The following MGAT4C variants were observed in gnomAD, a reference collection of about 807,000 sequenced individuals.
The protein encoded by MGAT4C is MGAT4 family member C.
A neutral mutation model predicts 40.1 loss-of-function variants in MGAT4C; 19 were observed. The ratio of observed to expected loss-of-function variants is 0.47; its 90% CI spans 0.33 to 0.70. The LOEUF is 0.70. MGAT4C is among the 30% of genes least tolerant of loss of function. MGAT4C has a pLI of 0.02. For missense variants in MGAT4C, 491 were observed against 563.2 expected (o/e 0.87, Z 1.30); for synonymous variants, 181 against 187.1 (o/e 0.97, Z 0.27).
chr12:86,607,870 G>A lies in MGAT4C; in HGVS notation c.-229+119339C>T, dbSNP rs117044918. 2.6e-4 allele frequency among the ~76,000 whole-genome samples: 40 copies of A among 152,108 alleles called. No homozygotes were observed. In the East Asian group the frequency reaches 6.2e-3, roughly 24 times the overall value. ...GTGCAGGGTTGGGGGAGAAACACAT[G>A]TCACCTGTTGGATATCTTTATGCCA... is the stretch of plus-strand genomic sequence containing the variant. On this transcript the variant is annotated intron_variant, in intron 2 of 7. Coordinates refer to the MGAT4C transcript ENST00000548651.
chr12:86,821,093 C>A (rs1419360874), intron 1 of MGAT4C, among the ~76,000 whole-genome samples: 2 of 150,830 alleles, frequency 1.3e-5, no homozygotes, highest in Admixed American at 6.6e-5. Context: ...GTAAACAAGG[C>A]ATTCAAGAAA....
At chr12:86,769,620 A>G (rs1242422147) in intron 1 of MGAT4C, among the ~76,000 whole-genome samples, 7 of 152,078 alleles carry the variant, frequency 4.6e-5, no homozygotes, top group Middle Eastern at 6.8e-3. Context: ...CAACCCAAAT[A>G]TCCAACAATG....
chr12:85,991,292 G>A (rs1257810794), intron 2 of MGAT4C, among the ~76,000 whole-genome samples: 1 of 152,110 alleles, frequency 6.6e-6, no homozygotes, highest in African/African-American at 2.4e-5. Context: ...CTGAACACGG[G>A]GCTTTTATGG....
chr12:86,473,327 A>G (rs1957783057), intron 2 of MGAT4C, among the ~76,000 whole-genome samples: 1 of 152,170 alleles, frequency 6.6e-6, no homozygotes, highest in Admixed American at 6.6e-5. Context: ...TGACATCCAG[A>G]CAGCAAGTAA....
chr12:86,112,418 T>C (rs965507306), intron 1 of MGAT4C, among the ~76,000 whole-genome samples: 2 of 151,708 alleles, frequency 1.3e-5, no homozygotes, highest in African/African-American at 4.8e-5. Context: ...GCCATGAGTA[T>C]CTTGGGAAAT....
At chr12:86,425,860 T>G (rs546445262) in intron 3 of MGAT4C, among the ~76,000 whole-genome samples, 1 of 152,322 alleles carries the variant, frequency 6.6e-6, no homozygotes, top group African/African-American at 2.4e-5. Flanking sequence ...AGACTCATTC[T>G]GATTATTTCT....
intron 2 of MGAT4C, among the ~76,000 whole-genome samples, chr12:86,645,778 G>C (rs1295054927): frequency 6.6e-6 from 1 of 151,608 alleles, no homozygotes; most frequent in Non-Finnish European, 1.5e-5. Context: ...TTCAAAAGTA[G>C]AATGTAACCA....
At chr12:86,112,481 G>A (rs1352303613) in intron 1 of MGAT4C, among the ~76,000 whole-genome samples, 2 of 151,684 alleles carry the variant, frequency 1.3e-5, no homozygotes, top group Non-Finnish European at 3.0e-5. Context: ...TTTCAGGGAA[G>A]CTTGATACTG....
chr12:86,764,643 G>A (rs1203925777), intron 1 of MGAT4C, among the ~76,000 whole-genome samples: 10 of 150,628 alleles, frequency 6.6e-5, no homozygotes, highest in Non-Finnish European at 1.2e-4. Flanking sequence ...CACCTCACAC[G>A]GCCGGGTACT....
chr12:86,275,544 G>A (rs187366250), intron 4 of MGAT4C, among the ~76,000 whole-genome samples: 3 of 152,252 alleles, frequency 2.0e-5, no homozygotes, highest in South Asian at 4.1e-4. Context: ...TTGCAAATAT[G>A]ATTAAGTCAA....
At chr12:86,049,649 T>C in intron 2 of MGAT4C, 25 bp downstream of exon 2, 1 of 969,896 alleles carries the variant, frequency 1.0e-6, no homozygotes, top group South Asian at 4.8e-5. Flanking sequence ...CTTAGAATAC[T>C]ACCATGAATG....
At chr12:86,109,238 A>C (rs1242844426) in intron 1 of MGAT4C, among the ~76,000 whole-genome samples, 1 of 152,138 alleles carries the variant, frequency 6.6e-6, no homozygotes, top group Non-Finnish European at 1.5e-5. Context: ...AATTTGTAAT[A>C]ACAACAACAA....
intron 2 of MGAT4C, among the ~76,000 whole-genome samples, chr12:86,027,618 G>T (rs1412200630): frequency 6.6e-6 from 1 of 151,790 alleles, no homozygotes; most frequent in African/African-American, 2.4e-5. Flanking sequence ...AAGAATTGTG[G>T]TCCAGTTAAA....
intron 2 of MGAT4C, among the ~76,000 whole-genome samples, chr12:86,495,642 A>ATGC (rs1056202515): frequency 1.3e-5 from 2 of 152,038 alleles, no homozygotes; most frequent in African/African-American, 2.4e-5. Context: ...AGAGTAGCAG[A>ATGC]TACCTACAGG....
At chr12:86,452,602 T>C (rs1225463184) in intron 2 of MGAT4C, among the ~76,000 whole-genome samples, 1 of 152,130 alleles carries the variant, frequency 6.6e-6, no homozygotes, top group Non-Finnish European at 1.5e-5. Context: ...TTCTACATTT[T>C]ATTTTTCTTC....
Position 86,178,966 on chromosome 12 carries a change from T to C in MGAT4C, c.-57+77273A>G, listed in dbSNP as rs145615241. ...TTAGATTCAACCTATTTGCCTGCTA[T>C]TTGCTTTTTTCAATACGATACTATT... On this transcript the variant is annotated intron_variant, in intron 1 of 4. Transcript: ENST00000611864. 2.2e-3 allele frequency among the ~76,000 whole-genome samples: 329 copies of C among 152,324 alleles called. 1 individual carries two copies. The highest frequency in any genetic ancestry group is 7.7e-3 in the African/African-American group (321 of 41,584).
At chr12:86,648,428 G>A (rs1034939747) in intron 2 of MGAT4C, among the ~76,000 whole-genome samples, 3 of 151,848 alleles carry the variant, frequency 2.0e-5, no homozygotes, top group Non-Finnish European at 4.4e-5. Context: ...CCTTTGGGAG[G>A]TTATTAGAGT....
intron 2 of MGAT4C, among the ~76,000 whole-genome samples, chr12:86,456,835 G>A (rs957497579): frequency 6.6e-6 from 1 of 152,076 alleles, no homozygotes; most frequent in Non-Finnish European, 1.5e-5. Context: ...CTTGCATTAT[G>A]AGCTCTCTAT....
intron 1 of MGAT4C, among the ~76,000 whole-genome samples, chr12:86,797,529 G>C (rs2136199577): frequency 1.3e-5 from 2 of 151,866 alleles, no homozygotes; most frequent in East Asian, 3.9e-4. Context: ...AGAAGGATTT[G>C]CCATGTTTTT....
Sources: gnomAD v4.1 joint callset for allele counts (sites outside exome capture counted in the v4.1 genomes callset) on GRCh38, gnomAD v4.1.1 for gene constraint, MANE v1.5 for transcripts, NCBI Gene and HGNC (gene_info 2026-07-23, HGNC 2026-07-21) for gene names.